The following KANK1 variants were observed in gnomAD, a reference collection of about 807,000 sequenced individuals.
KANK1 encodes KN motif and ankyrin repeat domain-containing protein 1.
A neutral mutation model predicts 106.2 loss-of-function variants in KANK1; 109 were observed. The observed-to-expected ratio is 1.03, with a 90% CI of 0.88 to 1.20. The LOEUF is 1.20. Ranked by LOEUF, KANK1 falls within the 50% of genes most tolerant of loss-of-function variation. The pLI is 0.00. For missense variants in KANK1, 2,399 were observed against 1,710.7 expected, an observed-to-expected ratio of 1.40 and a Z score of -7.10; for synonymous variants, 873 against 652.2, an observed-to-expected ratio of 1.34 and a Z score of -5.16.
chr9:678,549 C>T (rs142300089), intron 2 of KANK1, among the ~76,000 whole-genome samples: 2 of 151,844 alleles, frequency 1.3e-5, no homozygotes, highest in African/African-American at 2.4e-5. Flanking sequence ...GCCAACATGA[C>T]GAAACCCCAT....
intron 1 of KANK1, among the ~76,000 whole-genome samples, chr9:598,065 A>G (rs2641993): frequency 0.41 from 61,895 of 151,518 alleles, 14,824 homozygotes; most frequent in South Asian, 0.58. Flanking sequence ...TAGGGGCCCA[A>G]CTTTATTCTT....
At chr9:581,688 G>A (rs1428073155) in intron 1 of KANK1, among the ~76,000 whole-genome samples, 1 of 152,122 alleles carries the variant, frequency 6.6e-6, no homozygotes, top group East Asian at 1.9e-4. Flanking sequence ...ATTATTCTTG[G>A]ATTTCTTTCC....
intron 2 of KANK1, chr9:706,777 T>C (rs1314292869): frequency 1.0e-6 from 1 of 985,270 alleles, no homozygotes. Flanking sequence ...GCTGCCCGGA[T>C]CCTGAGAACC....
intron 1 of KANK1, among the ~76,000 whole-genome samples, chr9:571,882 G>C (rs935253363): frequency 1.3e-5 from 2 of 152,152 alleles, no homozygotes; most frequent in African/African-American, 4.8e-5. Context: ...TAAGGACTCT[G>C]AGTTTGTACT....
At chr9:655,655 G>T (rs1005268403) in intron 1 of KANK1, among the ~76,000 whole-genome samples, 3 of 152,166 alleles carry the variant, frequency 2.0e-5, no homozygotes, top group Non-Finnish European at 4.4e-5. Context: ...GAGGTGGTTA[G>T]AAAGTGTTGA....
chr9:645,126 C>CAAAAAAAAA (rs56391632), intron 1 of KANK1, among the ~76,000 whole-genome samples: 1 of 71,108 alleles, frequency 1.4e-5, no homozygotes, highest in Non-Finnish European at 2.5e-5. Flanking sequence ...TCCATCTCTA[C>CAAAAAAAAA]AAAAAAAAAA....
chr9:519,272 C>T (rs1291688725), intron 1 of KANK1, among the ~76,000 whole-genome samples: 1 of 151,786 alleles, frequency 6.6e-6, no homozygotes, highest in African/African-American at 2.4e-5. Context: ...ATATCAAGAT[C>T]TGTCAGCCTT....
intron 2 of KANK1, chr9:681,040 T>G (rs1173137924): frequency 6.6e-6 from 1 of 152,030 alleles, no homozygotes; most frequent in Non-Finnish European, 1.5e-5. Flanking sequence ...ATAGCCAGAC[T>G]CCATCTCTAC....
rs551926106 is a variant in KANK1, at chr9:542,131, A to G, written c.-84+37377A>G. On this transcript the variant is annotated intron_variant, in intron 1 of 11. Coordinates refer to ENST00000382297, the MANE Select transcript of KANK1 (RefSeq NM_015158.5). ...AGAGGACCTTAATAGAAATTTCTCA[A>G]TAGAAGACATACAGATGACCAACAG... is the stretch of plus-strand genomic sequence containing the variant. Among the ~76,000 whole-genome samples, 6 of 151,352 alleles carry G rather than the reference A, an allele frequency of 4.0e-5. No individual in the cohort carries two copies. In the East Asian group the frequency reaches 5.9e-4, roughly 15 times the overall value.
intron 2 of KANK1, among the ~76,000 whole-genome samples, chr9:685,082 G>C (rs1472477054): frequency 1.3e-5 from 2 of 152,146 alleles, no homozygotes; most frequent in Non-Finnish European, 2.9e-5. Flanking sequence ...TATTTTTGGA[G>C]TGAGCCTTAA....
chr9:679,519 A>G (rs1173367199), intron 2 of KANK1, among the ~76,000 whole-genome samples: 1 of 152,118 alleles, frequency 6.6e-6, no homozygotes, highest in Non-Finnish European at 1.5e-5. Context: ...GGTTCAAGTG[A>G]TTCTTGTGCC....
chr9:718,953 CTTTTTT>C (rs35097931), intron 3 of KANK1, among the ~76,000 whole-genome samples: 2 of 78,280 alleles, frequency 2.6e-5, no homozygotes, highest in African/African-American at 1.0e-4. Flanking sequence ...TGCTCGAGCC[CTTTTTT>C]TTTTTTTTTT....
At chr9:615,900 G>C (rs189615249) in intron 1 of KANK1, among the ~76,000 whole-genome samples, 1 of 152,174 alleles carries the variant, frequency 6.6e-6, no homozygotes, top group African/African-American at 2.4e-5. Flanking sequence ...CTGGTCCTTG[G>C]TATGCCAGGA....
At chr9:472,217 C>A (rs145258913) in intron 2 of KANK1, among the ~76,000 whole-genome samples, 2 of 152,204 alleles carry the variant, frequency 1.3e-5, no homozygotes, top group East Asian at 1.9e-4. Flanking sequence ...TCTGAGTGAC[C>A]AGTTTCCCTG....
At chr9:604,273 G>A (rs745974995) in intron 1 of KANK1, among the ~76,000 whole-genome samples, 25 of 151,742 alleles carry the variant, frequency 1.6e-4, no homozygotes, top group Non-Finnish European at 1.6e-4. Context: ...ACATTGTACT[G>A]GTGATGTGGT....
intron 10 of KANK1, 142 bp from the exon 11 acceptor site, chr9:744,347 CAA>C: frequency 1.1e-6 from 1 of 888,010 alleles, no homozygotes; most frequent in East Asian, 2.7e-5. Context: ...TTAGAGGTCC[CAA>C]AAAAGTTTCC....
chr9:718,298 C>CTTTTTTTT lies in KANK1; in HGVS notation c.2698+4853_2698+4860dup, dbSNP rs60145502. Among the ~76,000 whole-genome samples the CTTTTTTTT allele has an allele frequency of 5.4e-5, 4 of 74,126 alleles. 1 individual carries two copies. Among genetic ancestry groups the CTTTTTTTT allele is most frequent in the Non-Finnish European group, 9.7e-5 (4 of 41,152 alleles). The allele number at this position is 74,126 out of a possible 152,430, so 48.6% of individuals were successfully genotyped here. On this transcript the variant is annotated intron_variant, in intron 3 of 11. Coordinates refer to ENST00000382297, the MANE Select transcript of KANK1 (RefSeq NM_015158.5). ...TGGCTGTGTAGGTAACTTGCTGTGT[C>CTTTTTTTT]TTTTTTTTTTTTTTTTTTTTTTTTT...
intron 1 of KANK1, among the ~76,000 whole-genome samples, chr9:612,406 G>A (rs1031081835): frequency 3.2e-4 from 48 of 152,102 alleles, no homozygotes; most frequent in African/African-American, 1.1e-3. Context: ...ATGTAGGCCC[G>A]GTTTCTTAGA....
At chr9:652,383 C>T (rs1367402148) in intron 1 of KANK1, among the ~76,000 whole-genome samples, 1 of 152,104 alleles carries the variant, frequency 6.6e-6, no homozygotes, top group African/African-American at 2.4e-5. Flanking sequence ...ATTAGCCAGA[C>T]ATAGTGGTCT....
Sources: allele counts gnomAD v4.1 joint callset (sites outside exome capture counted in the v4.1 genomes callset), GRCh38; gene constraint gnomAD v4.1.1; transcripts MANE v1.5; gene names NCBI Gene and HGNC (gene_info 2026-07-23, HGNC 2026-07-21).